Variants in HYAL2 observed in about 807,000 individuals in gnomAD.
The protein encoded by HYAL2 is hyaluronidase 2.
HYAL2 carries 30 observed loss-of-function variants against 35.4 expected under a neutral mutation model. That is an observed-to-expected ratio of 0.85 (90% CI 0.63 to 1.15). The LOEUF is 1.15. Ranked by LOEUF, HYAL2 falls within the 50% of genes most tolerant of loss-of-function variation. The pLI, the probability that HYAL2 is intolerant of heterozygous loss-of-function variation, is 0.00. For missense variants in HYAL2, 635 were observed against 646.5 expected (o/e 0.98, Z 0.19); for synonymous variants, 262 against 252.8 (o/e 1.04, Z -0.34).
Position 50,319,050 on chromosome 3 carries a change from G to A in HYAL2, c.922-5C>T. On this transcript the variant is annotated splice_region_variant and splice_polypyrimidine_tract_variant and intron_variant, in intron 2 of 3. Transcript: ENST00000357750. ...AATGGTAGAGATGAGGTCCATCTAT[G>A]CAGGAAAAGGGATGGTCACTGGGGA... 6 of 1,589,504 alleles carry A rather than the reference G, an allele frequency of 3.8e-6. No individual in the cohort carries two copies. Among genetic ancestry groups the A allele is most frequent in the Non-Finnish European group, 4.3e-6 (5 of 1,161,242 alleles).
At chr3:50,319,430 G>A (rs1206346684) in intron 2 of HYAL2, 139 bp downstream of exon 2, 5 of 745,574 alleles carry the variant, frequency 6.7e-6, no homozygotes, top group Admixed American at 2.9e-5. Context: ...CACCCTTTCA[G>A]GTTATAGACA....
chr3:50,320,153 G>C lies in HYAL2; in HGVS notation c.337C>G (p.Leu113Val). Residue 113 changes from leucine to valine, a missense_variant, in exon 2 of 4, where the codon CTG becomes GTG. Transcript: ENST00000357750. The surrounding 1 kb of genome is among the most constrained non-coding windows in gnomAD (Gnocchi z 4.8). ...ATGTAGTGCTCCACACGTTTCTGCA[G>C]CATCTTCCGGTGTGCCCAAAGGCTG... ...NVSLWAHRKM[L>V]QKRVEHYIRT... 1 of 1,613,890 alleles carries C rather than the reference G, an allele frequency of 6.2e-7. No individual in the cohort carries two copies. Among genetic ancestry groups the C allele is most frequent in the Non-Finnish European group, 8.5e-7 (1 of 1,180,048 alleles).
chr3:50,322,670 G>T lies in HYAL2; in HGVS notation c.-64C>A, dbSNP rs1425192386. On this transcript the variant is annotated 5_prime_UTR_variant, in exon 1 of 4. Transcript: ENST00000357750. The surrounding 1 kb of genome is among the most constrained non-coding windows in gnomAD (Gnocchi z 5.5). Reference sequence around the variant, plus strand: ...GGGCTCACCTGTGTGGGAGTCCGTCGGCCCAGTAGGTCGGTGGCCTCCCTC... The same window carrying T: ...GGGCTCACCTGTGTGGGAGTCCGTCTGCCCAGTAGGTCGGTGGCCTCCCTC... 1.3e-5 allele frequency: 2 copies of T among 152,210 alleles called. No individual in the cohort carries two copies. Among genetic ancestry groups the T allele is most frequent in the African/African-American group, 2.4e-5 (1 of 41,444 alleles). 9.4% of individuals were successfully genotyped at this position (152,210 alleles called of 1,614,324 possible). A position where few individuals can be genotyped will look rare whatever the true frequency, so the allele number is the denominator to read the frequency against.
intron 1 of HYAL2, chr3:50,321,191 C>T (rs1480979801): frequency 6.6e-6 from 1 of 152,130 alleles, no homozygotes; most frequent in African/African-American, 2.4e-5. Context: ...CCGCTCAGGG[C>T]TAGAGCGCGC....
At chr3:50,319,098 G>A in intron 2 of HYAL2, 53 bp from the exon 3 acceptor site, 1 of 1,369,770 alleles carries the variant, frequency 7.3e-7, no homozygotes, top group South Asian at 1.3e-5. Flanking sequence ...CAGGGTGACA[G>A]GAACAGACAA....
In HYAL2 at chr3:50,320,131, T is replaced by C. The variant is rs1702653261; in HGVS notation, c.359A>G (p.Tyr120Cys). 1.2e-6 allele frequency: 2 copies of C among 1,613,738 alleles called. No homozygotes were observed. Among genetic ancestry groups the C allele is most frequent in the African/African-American group, 2.7e-5 (2 of 74,954 alleles). ...RKMLQKRVEH[Y>C]IRTQESAGLA... The stretch of plus-strand genomic sequence containing the variant: ...CCCCGCAGACTCCTGTGTCCGAATG[T>C]AGTGCTCCACACGTTTCTGCAGCAT... The change falls in exon 2 of 4, where the codon TAC (tyrosine) becomes TGC (cysteine). Residue 120 changes from tyrosine (Y) to cysteine (C), a missense_variant. Transcript: ENST00000357750. This position sits in a 1 kb window ranked among gnomAD's most constrained non-coding sequence, Gnocchi z 4.8.
Position 50,318,076 on chromosome 3 carries a change from AAGAG to A in HYAL2, c.*49_*52del. The stretch of plus-strand genomic sequence containing the variant: ...ACCCCCTGCAGGGTCCTACATGCCT[AAGAG>A]AGCCCTTGTGGTAGAGGCCAGCTTG... On this transcript the variant is annotated 3_prime_UTR_variant, in exon 4 of 4. Coordinates refer to ENST00000357750, the MANE Select transcript of HYAL2 (RefSeq NM_003773.5). The surrounding 1 kb of genome is among the most constrained non-coding windows in gnomAD (Gnocchi z 4.5). 6.6e-7 allele frequency: 1 copy of A among 1,515,820 alleles called. No homozygotes were observed. 93.9% of individuals were successfully genotyped at this position (1,515,820 alleles called of 1,614,324 possible). A position where few individuals can be genotyped will look rare whatever the true frequency, so the allele number is the denominator to read the frequency against.
chr3:50,319,908 G>A lies in HYAL2; in HGVS notation c.582C>T (p.Val194=). The A allele has an allele frequency of 2.5e-6, 4 of 1,613,686 alleles. No individual in the cohort carries two copies. The highest frequency in any genetic ancestry group is 3.4e-6 in the Non-Finnish European group (4 of 1,179,996). The stretch of plus-strand genomic sequence containing the variant: ...AGAGGTGCCGGGGCCGCACTGCCTT[G>A]ACATAACGCAGTGTCTCCAGCATGA... ...QQFMLETLRY[V]KAVRPRHLWG... is the part of the protein sequence containing the mutation. The change falls in exon 2 of 4, where the codon GTC becomes GTT. Residue 194 remains valine (V), a synonymous_variant. Transcript: ENST00000357750.
rs1474381196 is a variant in HYAL2, at chr3:50,318,445, T to G, written c.1106A>C (p.Gln369Pro). 1 of 1,613,204 alleles carries G rather than the reference T, an allele frequency of 6.2e-7. No homozygotes were observed. The highest frequency in any genetic ancestry group is 8.5e-7 in the Non-Finnish European group (1 of 1,180,024). Residue 369 changes from glutamine (Q) to proline (P), a missense_variant, in exon 4 of 4, where the codon CAG becomes CCG. By Grantham distance (76) the Gln-to-Pro change is moderately conservative. Coordinates refer to ENST00000357750, the MANE Select transcript of HYAL2 (RefSeq NM_003773.5). This position sits in a 1 kb window ranked among gnomAD's most constrained non-coding sequence, Gnocchi z 4.5. ...SWATQYCSRA[Q>P]CHGHGRCVRR... ...CACACAGCGCCCATGGCCATGGCAC[T>G]GGGCCCGGCTGCAATATTGGGTGGC...
At position 50,320,501 on chromosome 3, in the gene HYAL2, CAGG is replaced by C. The variant is rs1461395931; in HGVS notation, c.-15_-13del. The C allele has an allele frequency of 1.3e-6, 2 of 1,519,254 alleles. No homozygotes were observed. The highest frequency in any genetic ancestry group is 1.8e-6 in the Non-Finnish European group (2 of 1,137,042). The allele number at this position is 1,519,254 out of a possible 1,614,324, so 94.1% of individuals were successfully genotyped here. A position where few individuals can be genotyped will look rare whatever the true frequency, so the allele number is the denominator to read the frequency against. ...GGGCCTGCCCGCATGCTGGGGGCTG[CAGG>C]AGGTGTCACCTGCCTGGCACCAGCT... is the stretch of plus-strand genomic sequence containing the variant. On this transcript the variant is annotated 5_prime_UTR_variant, in exon 2 of 4. Transcript: ENST00000357750. This position sits in a 1 kb window ranked among gnomAD's most constrained non-coding sequence, Gnocchi z 4.8.
intron 1 of HYAL2, chr3:50,321,434 G>C (rs973278703): frequency 6.6e-6 from 1 of 152,148 alleles, no homozygotes; most frequent in Admixed American, 6.5e-5. Flanking sequence ...AGCCCGCTCC[G>C]GCCGTTCGCC....
At chr3:50,321,402 A>G (rs1457991506) in intron 1 of HYAL2, 1 of 152,002 alleles carries the variant, frequency 6.6e-6, no homozygotes, top group African/African-American at 2.4e-5. Context: ...CGCCAGGGCC[A>G]CCGCCATCCC....
At position 50,320,490 on chromosome 3, in the gene HYAL2, G is replaced by A; in HGVS notation, c.-1C>T. 1 of 1,527,640 alleles carries A rather than the reference G, an allele frequency of 6.5e-7. No individual in the cohort carries two copies. The highest frequency in any genetic ancestry group is 8.8e-7 in the Non-Finnish European group (1 of 1,140,140). The allele number at this position is 1,527,640 out of a possible 1,614,324, so 94.6% of individuals were successfully genotyped here. A position where few individuals can be genotyped will look rare whatever the true frequency, so the allele number is the denominator to read the frequency against. ...CGGTGGGGCCTGGGCCTGCCCGCAT[G>A]CTGGGGGCTGCAGGAGGTGTCACCT... On this transcript the variant is annotated 5_prime_UTR_variant, in exon 2 of 4. Transcript: ENST00000357750. This position sits in a 1 kb window ranked among gnomAD's most constrained non-coding sequence, Gnocchi z 4.8.
chr3:50,318,826 C>A lies in HYAL2; in HGVS notation c.1011+130G>T, dbSNP rs1702618963. 1.2e-6 allele frequency: 1 copy of A among 839,998 alleles called. No homozygotes were observed. The highest frequency in any genetic ancestry group is 2.0e-6 in the Non-Finnish European group (1 of 504,084). 52.0% of individuals were successfully genotyped at this position (839,998 alleles called of 1,614,324 possible). Reference sequence around the variant, plus strand: ...CCGGGGTGACCTCCTCCTGTTGCCACCAGGGATGCCTCGGGTGGGAGACAG... The same window carrying A: ...CCGGGGTGACCTCCTCCTGTTGCCAACAGGGATGCCTCGGGTGGGAGACAG... On this transcript the variant is annotated intron_variant, in intron 3 of 3. Coordinates refer to ENST00000357750, the MANE Select transcript of HYAL2 (RefSeq NM_003773.5). This position sits in a 1 kb window ranked among gnomAD's most constrained non-coding sequence, Gnocchi z 4.5.
chr3:50,320,361 G>A lies in HYAL2; in HGVS notation c.129C>T (p.Pro43=). ...TGAGGCGTGGGCCACAGTCCTGTGT[G>A]GGCACGTCCCACGCTACCACAAAGG... is the stretch of plus-strand genomic sequence containing the variant. ...GRPFVVAWDV[P]TQDCGPRLKV... is the part of the protein sequence containing the mutation. The change falls in exon 2 of 4, where the codon CCC becomes CCT. Residue 43 remains proline, a synonymous_variant. Coordinates refer to ENST00000357750, the MANE Select transcript of HYAL2 (RefSeq NM_003773.5). The surrounding 1 kb of genome is among the most constrained non-coding windows in gnomAD (Gnocchi z 4.8). The A allele has an allele frequency of 1.2e-6, 2 of 1,613,536 alleles. No individual in the cohort carries two copies. Among genetic ancestry groups the A allele is most frequent in the Non-Finnish European group, 1.7e-6 (2 of 1,179,852 alleles).
In HYAL2 at chr3:50,319,191, T is replaced by C. The variant is rs1702628390; in HGVS notation, c.922-146A>G. On this transcript the variant is annotated intron_variant, in intron 2 of 3. Coordinates refer to ENST00000357750, the MANE Select transcript of HYAL2 (RefSeq NM_003773.5). ...ACGTCCAGGCAGAGGCTCATTTGTT[T>C]TGCTTCCTTTTTAAACATTTAAGTC... The C allele has an allele frequency of 5.1e-6, 3 of 593,616 alleles. No homozygotes were observed. In the South Asian group the frequency reaches 7.3e-5, roughly 14 times the overall value. The allele number at this position is 593,616 out of a possible 1,614,324, so 36.8% of individuals were successfully genotyped here. A position where few individuals can be genotyped will look rare whatever the true frequency, so the allele number is the denominator to read the frequency against.
Position 50,319,550 on chromosome 3 carries a change from G to C in HYAL2, c.921+19C>G. The C allele has an allele frequency of 6.3e-7, 1 of 1,588,744 alleles. No homozygotes were observed. The highest frequency in any genetic ancestry group is 8.6e-7 in the Non-Finnish European group (1 of 1,164,724). ...TCCTCAAGGAAGGAGAAAAAAGGCA[G>C]GGCCCTGGAGACACATACCTCACTA... On this transcript the variant is annotated intron_variant, in intron 2 of 3. Transcript: ENST00000357750.
In HYAL2 at chr3:50,319,859, A is replaced by G. The variant is rs782222986; in HGVS notation, c.631T>C (p.Cys211Arg). Reference sequence around the variant, plus strand: ...TTCTGCACATAATCATGATTGTAGCAGTCAGGAAAGAGGTAGAAGCCCCAG... The same window carrying G: ...TTCTGCACATAATCATGATTGTAGCGGTCAGGAAAGAGGTAGAAGCCCCAG... ...HLWGFYLFPDCYNHDYVQNWE... is the reference protein window; with the variant it reads ...HLWGFYLFPDRYNHDYVQNWE... The change falls in exon 2 of 4, where the codon TGC becomes CGC. Residue 211 changes from cysteine (C) to arginine (R), a missense_variant. Coordinates refer to ENST00000357750, the MANE Select transcript of HYAL2 (RefSeq NM_003773.5). The G allele has an allele frequency of 2.5e-6, 4 of 1,613,736 alleles. No homozygotes were observed. Among genetic ancestry groups the G allele is most frequent in the Non-Finnish European group, 3.4e-6 (4 of 1,180,032 alleles).
At chr3:50,321,537 C>T (rs1202008984) in intron 1 of HYAL2, 1 of 152,102 alleles carries the variant, frequency 6.6e-6, no homozygotes, top group African/African-American at 2.4e-5. Context: ...CGGGATTGGA[C>T]TTGCGGACGG....
Sources: allele counts gnomAD v4.1 joint callset, GRCh38; gene constraint gnomAD v4.1.1; non-coding constraint Gnocchi (gnomAD v3.1); transcripts MANE v1.5; gene names NCBI Gene and HGNC (gene_info 2026-07-23, HGNC 2026-07-21).